Variants in TCF7L1 observed in about 807,000 individuals in gnomAD.
TCF7L1 encodes the protein transcription factor 7-like 1.
TCF7L1 carries 18 observed loss-of-function variants against 63.7 expected under a neutral mutation model. The ratio of observed to expected loss-of-function variants is 0.28; its 90% confidence interval spans 0.20 to 0.42. The LOEUF (loss-of-function observed/expected upper bound fraction) is 0.42, where lower values mean the gene tolerates loss of function less well. Among genes scored for constraint, TCF7L1 ranks in the 10% least tolerant of loss-of-function variants. TCF7L1 has a pLI of 1.00. For synonymous variants in TCF7L1, 355 were observed against 340.9 expected, an observed-to-expected ratio of 1.04 and a Z score of -0.46; for missense variants, 654 against 779.3, an observed-to-expected ratio of 0.84 and a Z score of 1.91.
At chr2:85,190,291 C>T (rs1391240043) in intron 3 of TCF7L1, among the ~76,000 whole-genome samples, 1 of 152,048 alleles carries the variant, frequency 6.6e-6, no homozygotes, top group East Asian at 1.9e-4. Context: ...CCTCTTAGGT[C>T]AAGGAGAGTA....
intron 3 of TCF7L1, among the ~76,000 whole-genome samples, chr2:85,218,645 G>GGA (rs1679768374): frequency 6.6e-6 from 1 of 150,746 alleles, no homozygotes; most frequent in Non-Finnish European, 1.5e-5. Context: ...CCAATGGGGG[G>GGA]GGGAAAACTG....
intron 3 of TCF7L1, among the ~76,000 whole-genome samples, chr2:85,156,295 C>G (rs1678143726): frequency 6.6e-6 from 1 of 152,244 alleles, no homozygotes; most frequent in Admixed American, 6.5e-5. Flanking sequence ...GTCAAATCCA[C>G]TAAGTCAAAG....
At chr2:85,303,665 T>G (rs1050295292) in intron 5 of TCF7L1, 1 of 422,110 alleles carries the variant, frequency 2.4e-6, no homozygotes, top group Non-Finnish European at 4.2e-6. Context: ...TTCACAGAGA[T>G]AGAATCCGTG....
At chr2:85,186,019 T>G (rs1166447978) in intron 3 of TCF7L1, among the ~76,000 whole-genome samples, 3 of 137,762 alleles carry the variant, frequency 2.2e-5, no homozygotes, top group Non-Finnish European at 3.0e-5. Flanking sequence ...TAGGCTGGAG[T>G]GCAGTGGTGC....
intron 3 of TCF7L1, among the ~76,000 whole-genome samples, chr2:85,281,930 G>C (rs1245806124): frequency 2.0e-5 from 3 of 152,190 alleles, no homozygotes; most frequent in African/African-American, 7.2e-5. Context: ...AGCAGAGCCA[G>C]ATTGTGATTG....
intron 11 of TCF7L1, among the ~76,000 whole-genome samples, chr2:85,308,458 T>TTTCCC (rs1558663551): frequency 2.2e-5 from 1 of 46,340 alleles, no homozygotes; most frequent in Non-Finnish European, 3.7e-5. Context: ...TTTCCCTCCC[T>TTTCCC]CTCTTTCCCT....
chr2:85,208,495 G>A (rs1679466381), intron 3 of TCF7L1, among the ~76,000 whole-genome samples: 1 of 152,146 alleles, frequency 6.6e-6, no homozygotes. Context: ...GTGTGTCACC[G>A]CATGGAGAAG....
At chr2:85,163,599 T>C (rs145965608) in intron 3 of TCF7L1, among the ~76,000 whole-genome samples, 1 of 152,344 alleles carries the variant, frequency 6.6e-6, no homozygotes, top group East Asian at 1.9e-4. Context: ...TATTTTTGTA[T>C]TAATTTGTTA....
At chr2:85,137,185 C>T (rs1677615857) in intron 3 of TCF7L1, among the ~76,000 whole-genome samples, 1 of 152,190 alleles carries the variant, frequency 6.6e-6, no homozygotes, top group South Asian at 2.1e-4. Context: ...TGGGAATTGT[C>T]TGGATTGTTT....
intron 11 of TCF7L1, 67 bp downstream of exon 11, chr2:85,307,784 G>A: frequency 7.0e-7 from 1 of 1,435,300 alleles, no homozygotes; most frequent in Middle Eastern, 2.4e-4. Context: ...TGCCCATGCT[G>A]TCTCTAGCTC....
intron 3 of TCF7L1, among the ~76,000 whole-genome samples, chr2:85,220,018 G>C (rs916545810): frequency 6.6e-6 from 1 of 152,124 alleles, no homozygotes; most frequent in Non-Finnish European, 1.5e-5. Flanking sequence ...AGGACAGATG[G>C]GTGTTTATTG....
At chr2:85,145,016 C>T (rs2583541) in intron 3 of TCF7L1, among the ~76,000 whole-genome samples, 76,539 of 149,326 alleles carry the variant, frequency 0.51, 20,166 homozygotes, top group East Asian at 0.85. Context: ...ACCCGGGAGG[C>T]AGAGGCTGCA....
intron 3 of TCF7L1, among the ~76,000 whole-genome samples, chr2:85,254,717 G>A (rs1459357545): frequency 6.6e-6 from 1 of 152,142 alleles, no homozygotes; most frequent in Non-Finnish European, 1.5e-5. Context: ...TACCCAAATA[G>A]CCTCGCCAAT....
chr2:85,152,747 T>A (rs140491303), intron 3 of TCF7L1, among the ~76,000 whole-genome samples: 1 of 152,224 alleles, frequency 6.6e-6, no homozygotes, highest in African/African-American at 2.4e-5. Context: ...GTCTCTTTTT[T>A]TAAATGTACT....
chr2:85,308,519 GCTTTCTCCTTCCGCCCTCC>G (rs532920478), intron 11 of TCF7L1, among the ~76,000 whole-genome samples: 220 of 66,636 alleles, frequency 3.3e-3, no homozygotes, highest in Non-Finnish European at 4.3e-3. Flanking sequence ...TTCTTCCCTC[GCTTTCTCCTTCCGCCCTCC>G]CTTTCTCCTT....
intron 3 of TCF7L1, among the ~76,000 whole-genome samples, chr2:85,269,797 G>T (rs1223003029): frequency 6.6e-6 from 1 of 152,142 alleles, no homozygotes; most frequent in African/African-American, 2.4e-5. Context: ...AAATCGTGTT[G>T]TTCCCTGAGA....
chr2:85,159,580 T>G (rs911858310), intron 3 of TCF7L1, among the ~76,000 whole-genome samples: 10 of 152,366 alleles, frequency 6.6e-5, no homozygotes, highest in Non-Finnish European at 1.3e-4. Flanking sequence ...TCCTGGTGCC[T>G]TCCAGACCAG....
chr2:85,284,245 C>T (rs1202285564), intron 4 of TCF7L1, among the ~76,000 whole-genome samples: 3 of 152,172 alleles, frequency 2.0e-5, no homozygotes, highest in South Asian at 2.1e-4. Context: ...CTCCTGACCT[C>T]GTGATCCGCC....
intron 3 of TCF7L1, among the ~76,000 whole-genome samples, chr2:85,223,910 G>T (rs989166310): frequency 4.6e-5 from 7 of 152,068 alleles, no homozygotes. Context: ...TTTACATTAG[G>T]TATTTCTCCT....
Sources: allele counts gnomAD v4.1 joint callset (sites outside exome capture counted in the v4.1 genomes callset), GRCh38; gene constraint gnomAD v4.1.1; transcripts MANE v1.5; gene names NCBI Gene and HGNC (gene_info 2026-07-23, HGNC 2026-07-21).